The following CSMD1 variants were observed in gnomAD, a reference collection of about 807,000 sequenced individuals.
The protein encoded by CSMD1 is CUB and Sushi multiple domains 1.
In CSMD1, 213 loss-of-function variants were observed where a neutral mutation model predicts 417.5. That is an observed-to-expected ratio of 0.51 (90% confidence interval 0.46 to 0.57). The LOEUF (loss-of-function observed/expected upper bound fraction) is 0.57, where lower values mean the gene tolerates loss of function less well. Among genes scored for constraint, CSMD1 ranks in the 20% least tolerant of loss-of-function variants. The probability of loss-of-function intolerance (pLI) is 0.00; values close to 1 mark genes in which losing one functional copy is unlikely to be tolerated. For synonymous variants in CSMD1, 2,862 were observed against 1,736.8 expected (o/e 1.65, Z -16.11); for missense variants, 6,923 against 4,529.7 (o/e 1.53, Z -15.17).
intron 3 of CSMD1, among the ~76,000 whole-genome samples, chr8:4,397,243 T>C (rs1804301994): frequency 1.3e-5 from 2 of 152,110 alleles, no homozygotes; most frequent in Non-Finnish European, 2.9e-5. Context: ...ATTTAGCGTG[T>C]GAGCATGCGT....
At chr8:4,516,537 C>G (rs1329907536) in intron 2 of CSMD1, among the ~76,000 whole-genome samples, 1 of 152,128 alleles carries the variant, frequency 6.6e-6, no homozygotes, top group Non-Finnish European at 1.5e-5. Context: ...CCATTCTCCC[C>G]TGCTTGGTGT....
intron 3 of CSMD1, among the ~76,000 whole-genome samples, chr8:4,193,478 C>T (rs1487568156): frequency 6.6e-6 from 1 of 151,686 alleles, no homozygotes; most frequent in Non-Finnish European, 1.5e-5. Flanking sequence ...GAATGATGGA[C>T]ATTAGGGAAG....
At chr8:4,626,688 C>G (rs1334887764) in intron 2 of CSMD1, among the ~76,000 whole-genome samples, 2 of 152,060 alleles carry the variant, frequency 1.3e-5, no homozygotes, top group Non-Finnish European at 2.9e-5. Flanking sequence ...CACTCCACCT[C>G]TTGCAAAGAC....
chr8:3,559,281 G>C (rs910271121), intron 10 of CSMD1, among the ~76,000 whole-genome samples: 2 of 152,186 alleles, frequency 1.3e-5, no homozygotes, highest in Non-Finnish European at 2.9e-5. Context: ...ACTGCCCTTG[G>C]TGTGAACATG....
At chr8:4,367,591 T>G (rs1008600435) in intron 3 of CSMD1, among the ~76,000 whole-genome samples, 2 of 152,154 alleles carry the variant, frequency 1.3e-5, no homozygotes, top group African/African-American at 4.8e-5. Context: ...CTTTTTCTAA[T>G]TCTGTAAAAA....
At chr8:3,784,055 T>C (rs541079712) in intron 5 of CSMD1, among the ~76,000 whole-genome samples, 88 of 152,358 alleles carry the variant, frequency 5.8e-4, no homozygotes, top group African/African-American at 1.3e-3. Context: ...GTTGTGAAGA[T>C]TGAAATAGTA....
At chr8:3,600,947 G>C (rs769575576) in intron 8 of CSMD1, among the ~76,000 whole-genome samples, 39 of 152,314 alleles carry the variant, frequency 2.6e-4, no homozygotes, top group Non-Finnish European at 4.3e-4. Flanking sequence ...GGAAGGAATT[G>C]ATTGCAATGT....
intron 2 of CSMD1, among the ~76,000 whole-genome samples, chr8:4,429,442 C>T (rs1278688049): frequency 1.3e-5 from 2 of 152,102 alleles, no homozygotes; most frequent in Non-Finnish European, 2.9e-5. Flanking sequence ...GTTTTGTGAA[C>T]AGTGGCTCAG....
intron 3 of CSMD1, among the ~76,000 whole-genome samples, chr8:4,237,143 A>C (rs1802114744): frequency 6.6e-6 from 1 of 152,190 alleles, no homozygotes; most frequent in Non-Finnish European, 1.5e-5. Context: ...GCCCTAAAGA[A>C]ATTCTTACTG....
intron 7 of CSMD1, among the ~76,000 whole-genome samples, chr8:3,623,310 T>C (rs1285386627): frequency 2.6e-5 from 4 of 152,220 alleles, no homozygotes; most frequent in African/African-American, 9.6e-5. Flanking sequence ...TACCCTGCTG[T>C]TTGAGGACAT....
chr8:4,686,058 C>G (rs528686088), intron 1 of CSMD1, among the ~76,000 whole-genome samples: 28 of 152,278 alleles, frequency 1.8e-4, no homozygotes, highest in African/African-American at 6.7e-4. Context: ...GCAGTTTTAT[C>G]TTGTCTTGGA....
intron 5 of CSMD1, among the ~76,000 whole-genome samples, chr8:3,832,483 T>C (rs1802433241): frequency 6.6e-6 from 1 of 152,234 alleles, no homozygotes; most frequent in Non-Finnish European, 1.5e-5. Flanking sequence ...GTTCTAAATG[T>C]GTATCCACAT....
intron 5 of CSMD1, among the ~76,000 whole-genome samples, chr8:3,829,703 T>C (rs1802261522): frequency 6.6e-6 from 1 of 152,214 alleles, no homozygotes; most frequent in South Asian, 2.1e-4. Context: ...AATATTTGGT[T>C]GAAAATCAGC....
At chr8:3,902,474 G>T (rs1289018426) in intron 5 of CSMD1, among the ~76,000 whole-genome samples, 2 of 152,078 alleles carry the variant, frequency 1.3e-5, no homozygotes, top group Admixed American at 1.3e-4. Context: ...ATGGACTCAA[G>T]TGGCAGGGGA....
intron 1 of CSMD1, among the ~76,000 whole-genome samples, chr8:4,898,066 G>A (rs1479866929): frequency 2.6e-5 from 4 of 152,074 alleles, no homozygotes; most frequent in Admixed American, 6.6e-5. Flanking sequence ...TTATTAGTTG[G>A]AAATATTTAG....
rs543208251 is a variant in CSMD1 at position 3,905,994 on chromosome 8, G to T, written c.818+91909C>A. ...AAACCTGTTCTTTTACCAGATGGTT[G>T]TTAGGCCTGGAGTTCTTTTTATTTT... On this transcript the variant is annotated intron_variant, in intron 5 of 69. Transcript: ENST00000635120. Among the ~76,000 whole-genome samples the T allele has an allele frequency of 1.5e-4, 23 of 152,292 alleles. 1 individual carries two copies. In the East Asian group the frequency reaches 2.7e-3, roughly 18 times the overall value.
chr8:4,173,892 T>G (rs1797898752), intron 3 of CSMD1, among the ~76,000 whole-genome samples: 1 of 152,144 alleles, frequency 6.6e-6, no homozygotes, highest in Admixed American at 6.5e-5. Flanking sequence ...GCAGCTGAAG[T>G]TCTGGGCTCA....
At position 4,678,560 on chromosome 8, in the gene CSMD1, G is replaced by A. The variant is rs192309608; in HGVS notation, c.86-41002C>T. On this transcript the variant is annotated intron_variant, in intron 1 of 69. Transcript: ENST00000635120. Reference sequence around the variant, plus strand: ...TCAGCAATAATTCTGCTTTTTGATGGAATCTAACATTATATTCAGAAATTA... The same window carrying A: ...TCAGCAATAATTCTGCTTTTTGATGAAATCTAACATTATATTCAGAAATTA... Among the ~76,000 whole-genome samples, 129 of 152,112 alleles carry A rather than the reference G, an allele frequency of 8.5e-4. No individual in the cohort carries two copies. The Middle Eastern group carries it at 0.01, about 12-fold the overall frequency.
chr8:4,956,736 A>C (rs4455853), intron 1 of CSMD1, among the ~76,000 whole-genome samples: 2,255 of 152,290 alleles, frequency 0.015, 59 homozygotes, highest in African/African-American at 0.051. Flanking sequence ...ATGTCAACAC[A>C]AGAGGAAAAT....
Sources: allele counts gnomAD v4.1 joint callset (sites outside exome capture counted in the v4.1 genomes callset), GRCh38; gene constraint gnomAD v4.1.1; transcripts MANE v1.5; gene names NCBI Gene and HGNC (gene_info 2026-07-23, HGNC 2026-07-21).